The following HTR1F variants were observed in gnomAD, a reference collection of about 807,000 sequenced individuals.
HTR1F encodes 5-hydroxytryptamine (serotonin) receptor 1F, G protein-coupled.
HTR1F carries 17 observed loss-of-function variants against 24.0 expected under a neutral mutation model. That is an observed-to-expected ratio of 0.71 (90% confidence interval 0.48 to 1.06). The LOEUF (loss-of-function observed/expected upper bound fraction) is 1.06. Ranked by LOEUF, HTR1F falls within the 50% of genes least tolerant of loss-of-function variation. The probability of loss-of-function intolerance (pLI) is 0.00; values close to 1 mark genes in which losing one functional copy is unlikely to be tolerated. For missense variants in HTR1F, 391 were observed against 427.8 expected (o/e 0.91, Z 0.76); for synonymous variants, 186 against 156.8 (o/e 1.19, Z -1.39).
At chr3:87,900,817 G>C (rs922129982) in intron 2 of HTR1F, among the ~76,000 whole-genome samples, 1 of 152,152 alleles carries the variant, frequency 6.6e-6, no homozygotes, top group Non-Finnish European at 1.5e-5. Flanking sequence ...AAGCAGGTTT[G>C]GAAGAAGGAG....
chr3:87,917,476 C>G (rs1326079543), intron 2 of HTR1F, among the ~76,000 whole-genome samples: 1 of 149,218 alleles, frequency 6.7e-6, no homozygotes, highest in Non-Finnish European at 1.5e-5. Flanking sequence ...CAAGACTAAC[C>G]AAGAAAAGAA....
intron 2 of HTR1F, among the ~76,000 whole-genome samples, chr3:87,925,070 T>G (rs929958517): frequency 2.6e-5 from 4 of 152,068 alleles, no homozygotes; most frequent in African/African-American, 9.7e-5. Flanking sequence ...CTTTTTTTTT[T>G]GTCTCTTCAT....
intron 2 of HTR1F, among the ~76,000 whole-genome samples, chr3:87,881,406 T>C (rs913918681): frequency 2.8e-4 from 43 of 151,800 alleles, no homozygotes; most frequent in African/African-American, 9.9e-4. Context: ...GAGGCTTGAG[T>C]AGGTAAACAA....
intron 2 of HTR1F, among the ~76,000 whole-genome samples, chr3:87,823,101 T>C (rs1456245764): frequency 1.3e-5 from 2 of 152,180 alleles, no homozygotes; most frequent in Admixed American, 6.5e-5. Flanking sequence ...TTTTAATATT[T>C]TTAAGAGACA....
intron 2 of HTR1F, among the ~76,000 whole-genome samples, chr3:87,941,757 A>G (rs1168523390): frequency 6.6e-6 from 1 of 152,048 alleles, no homozygotes; most frequent in African/African-American, 2.4e-5. Flanking sequence ...ACTATAAACC[A>G]CTCTGCTTCC....
chr3:87,897,487 C>A (rs1435666146), intron 2 of HTR1F, among the ~76,000 whole-genome samples: 1 of 151,880 alleles, frequency 6.6e-6, no homozygotes, highest in Non-Finnish European at 1.5e-5. Flanking sequence ...AAATAAAAAC[C>A]AAAAACCATT....
intron 2 of HTR1F, among the ~76,000 whole-genome samples, chr3:87,959,767 GTTT>G (rs5850818): frequency 0.013 from 1,787 of 140,736 alleles, 11 homozygotes; most frequent in African/African-American, 0.02. Context: ...ACCACCATGG[GTTT>G]TTTTTTTTTT....
intron 2 of HTR1F, among the ~76,000 whole-genome samples, chr3:87,964,348 A>G (rs537319802): frequency 3.3e-5 from 5 of 152,194 alleles, no homozygotes; most frequent in Non-Finnish European, 7.4e-5. Flanking sequence ...AAAAATAAGC[A>G]ACATGGAGTA....
At chr3:87,796,938 C>G (rs1441851511) in intron 1 of HTR1F, among the ~76,000 whole-genome samples, 2 of 152,098 alleles carry the variant, frequency 1.3e-5, no homozygotes, top group Non-Finnish European at 2.9e-5. Context: ...CAATTGAAAA[C>G]AACATAAATA....
chr3:87,873,671 A>C lies in HTR1F; in HGVS notation c.-43+51547A>C, dbSNP rs1396026819. On this transcript the variant is annotated intron_variant, in intron 2 of 2. Coordinates refer to ENST00000319595, the MANE Select transcript of HTR1F (RefSeq NM_001322209.2). ...AACCATCACAAATATTGATGCAAAA[A>C]TCCTCCACCAAATACTAGCAAACTG... 1.3e-4 allele frequency among the ~76,000 whole-genome samples: 20 copies of C among 152,194 alleles called. 1 individual carries two copies. The highest frequency in any genetic ancestry group is 1.3e-3 in the Admixed American group (20 of 15,276).
chr3:87,905,915 A>G (rs1304290357), intron 2 of HTR1F, among the ~76,000 whole-genome samples: 1 of 152,076 alleles, frequency 6.6e-6, no homozygotes, highest in Non-Finnish European at 1.5e-5. Flanking sequence ...AAGTCAAGAC[A>G]ATGATTCCCA....
intron 2 of HTR1F, among the ~76,000 whole-genome samples, chr3:87,959,489 T>C (rs1313460668): frequency 6.6e-6 from 1 of 151,894 alleles, no homozygotes; most frequent in African/African-American, 2.4e-5. Context: ...AGAGCCTCTT[T>C]TACTTCAATT....
chr3:87,872,420 T>C (rs1705578560), intron 2 of HTR1F, among the ~76,000 whole-genome samples: 1 of 151,522 alleles, frequency 6.6e-6, no homozygotes, highest in South Asian at 2.1e-4. Flanking sequence ...AAGTAAATAA[T>C]AGAAATTAAA....
At chr3:87,852,743 A>G (rs769668694) in intron 2 of HTR1F, among the ~76,000 whole-genome samples, 2 of 151,642 alleles carry the variant, frequency 1.3e-5, no homozygotes, top group African/African-American at 4.9e-5. Context: ...TCCCTTAGTA[A>G]TCTTCTTTTC....
intron 2 of HTR1F, among the ~76,000 whole-genome samples, chr3:87,970,297 G>T (rs367655436): frequency 6.6e-6 from 1 of 152,178 alleles, no homozygotes; most frequent in African/African-American, 2.4e-5. Flanking sequence ...TCTGGTGGGG[G>T]CAGGGTTTAA....
intron 1 of HTR1F, among the ~76,000 whole-genome samples, chr3:87,801,960 T>C (rs539967664): frequency 2.0e-5 from 3 of 152,286 alleles, no homozygotes; most frequent in African/African-American, 7.2e-5. Flanking sequence ...TAGAAAAATA[T>C]ATAAAGCATG....
intron 2 of HTR1F, among the ~76,000 whole-genome samples, chr3:87,835,886 G>A (rs1704673173): frequency 1.3e-5 from 2 of 152,138 alleles, no homozygotes; most frequent in South Asian, 4.2e-4. Flanking sequence ...TAAAGCAAAT[G>A]AGGAACTTTT....
chr3:87,859,472 T>A (rs1367987416), intron 2 of HTR1F, among the ~76,000 whole-genome samples: 1 of 152,160 alleles, frequency 6.6e-6, no homozygotes, highest in Non-Finnish European at 1.5e-5. Context: ...CAGTAGCAAA[T>A]TTTGTAGGAA....
intron 2 of HTR1F, among the ~76,000 whole-genome samples, chr3:87,830,747 C>G (rs930947117): frequency 2.0e-5 from 3 of 152,130 alleles, no homozygotes; most frequent in African/African-American, 7.2e-5. Flanking sequence ...TTAGAGAGCT[C>G]TAACTGTGAA....
Sources: allele counts gnomAD v4.1 joint callset (sites outside exome capture counted in the v4.1 genomes callset), GRCh38; gene constraint gnomAD v4.1.1; transcripts MANE v1.5; gene names NCBI Gene and HGNC (gene_info 2026-07-23, HGNC 2026-07-21).